The following CELF2 variants were observed in gnomAD, a reference collection of about 807,000 sequenced individuals.
CELF2 encodes CUGBP Elav-like family member 2.
CELF2 carries 8 observed loss-of-function variants against 62.6 expected under a neutral mutation model. The ratio of observed to expected loss-of-function variants is 0.13; its 90% CI spans 0.07 to 0.23. The LOEUF is 0.23. CELF2 is among the 10% of genes least tolerant of loss of function. CELF2 has a pLI of 1.00. For synonymous variants in CELF2, 258 were observed against 250.0 expected, an observed-to-expected ratio of 1.03 and a Z score of -0.30; for missense variants, 333 against 671.0, an observed-to-expected ratio of 0.50 and a Z score of 5.56.
At chr10:10,546,214 C>T in the CELF2 span, among the ~76,000 whole-genome samples, 1 of 152,218 alleles carries the variant, frequency 6.6e-6, no homozygotes, top group African/African-American at 2.4e-5. Flanking sequence ...CTGCCGATAA[C>T]CATACTGTGT....
Position 10,928,412 on chromosome 10 carries a change from T to G in CELF2, c.89+8413T>G, listed in dbSNP as rs1177178206. Among the ~76,000 whole-genome samples, 1 of 152,086 alleles carries G rather than the reference T, an allele frequency of 6.6e-6. No individual in the cohort carries two copies. The highest frequency in any genetic ancestry group is 1.5e-5 in the Non-Finnish European group (1 of 68,030). On this transcript the variant is annotated intron_variant, in intron 2 of 13. Coordinates refer to the CELF2 transcript ENST00000636488. This position sits in a 1 kb window ranked among gnomAD's most constrained non-coding sequence, Gnocchi z 4.8. The stretch of plus-strand genomic sequence containing the variant: ...CTGCTCTTTTTCTCCCCTACCAAAC[T>G]CTCTACCACTTGTTCTTCTAGATCC...
At chr10:10,539,658 C>T in the CELF2 span, among the ~76,000 whole-genome samples, 1,472 of 152,254 alleles carry the variant, frequency 9.7e-3, 38 homozygotes, top group East Asian at 0.067. Context: ...TATTCCTAAA[C>T]GATATTGCCA....
At chr10:11,295,992 T>C (rs918168090) in intron 9 of CELF2, among the ~76,000 whole-genome samples, 1 of 152,104 alleles carries the variant, frequency 6.6e-6, no homozygotes, top group Non-Finnish European at 1.5e-5. Context: ...CTGTAACCAA[T>C]TTAAAGCTTA....
chr10:11,057,455 G>C (rs2065562034), intron 1 of CELF2, among the ~76,000 whole-genome samples: 2 of 152,200 alleles, frequency 1.3e-5, no homozygotes, highest in African/African-American at 4.8e-5. Context: ...GAAAACAGGA[G>C]AAAAAGGAAA....
At chr10:10,671,437 T>C in the CELF2 span, among the ~76,000 whole-genome samples, 1 of 152,182 alleles carries the variant, frequency 6.6e-6, no homozygotes, top group Non-Finnish European at 1.5e-5. Context: ...TCAGTTCCTT[T>C]GAGTAAATTC....
chr10:10,465,841 T>A, the CELF2 span, among the ~76,000 whole-genome samples: 2 of 152,094 alleles, frequency 1.3e-5, no homozygotes, highest in Admixed American at 1.3e-4. Flanking sequence ...GCTAACAAGC[T>A]CTAAGTCTTA....
intron 1 of CELF2, among the ~76,000 whole-genome samples, chr10:11,148,094 AG>A (rs2062614340): frequency 6.6e-6 from 1 of 152,270 alleles, no homozygotes; most frequent in African/African-American, 2.4e-5. Context: ...CAGTCCGGCA[AG>A]AAGAACGTGG....
chr10:10,879,504 T>C (rs2061319660), intron 1 of CELF2, among the ~76,000 whole-genome samples: 1 of 152,168 alleles, frequency 6.6e-6, no homozygotes, highest in African/African-American at 2.4e-5. Context: ...GAATTACAAA[T>C]AAAATAGGGT....
At chr10:10,471,332 G>T in the CELF2 span, among the ~76,000 whole-genome samples, 1 of 151,612 alleles carries the variant, frequency 6.6e-6, no homozygotes, top group Non-Finnish European at 1.5e-5. Context: ...GTCACTGAGA[G>T]TGGTATAAAA....
chr10:10,572,761 T>C, the CELF2 span, among the ~76,000 whole-genome samples: 1 of 152,224 alleles, frequency 6.6e-6, no homozygotes, highest in East Asian at 1.9e-4. Flanking sequence ...CTATCATCGA[T>C]GATGGGCATT....
intron 1 of CELF2, among the ~76,000 whole-genome samples, chr10:11,065,131 G>A (rs1020053565): frequency 6.6e-6 from 1 of 152,230 alleles, no homozygotes; most frequent in Non-Finnish European, 1.5e-5. Flanking sequence ...CATAACTTAA[G>A]GAGCTCACCT....
At chr10:11,271,903 G>A (rs1235286875) in intron 7 of CELF2, among the ~76,000 whole-genome samples, 5 of 152,136 alleles carry the variant, frequency 3.3e-5, no homozygotes, top group Non-Finnish European at 7.3e-5. Flanking sequence ...TCGGACATAT[G>A]AGGAAAGGGA....
At chr10:10,593,241 T>G in the CELF2 span, among the ~76,000 whole-genome samples, 5 of 152,324 alleles carry the variant, frequency 3.3e-5, no homozygotes, top group East Asian at 9.7e-4. Context: ...AACCATTTTA[T>G]TTACTTATGA....
At chr10:10,918,719 G>A (rs546528388) in intron 1 of CELF2, among the ~76,000 whole-genome samples, 52 of 152,284 alleles carry the variant, frequency 3.4e-4, no homozygotes, top group African/African-American at 5.3e-4. Flanking sequence ...TCAATGAACC[G>A]TCTGCAAGTG....
At position 11,006,647 on chromosome 10, in the gene CELF2, C is replaced by A. The variant is rs145211332; in HGVS notation, c.53+1207C>A. Among the ~76,000 whole-genome samples, 737 of 152,332 alleles carry A rather than the reference C, an allele frequency of 4.8e-3. 4 individuals are homozygous for A. Among genetic ancestry groups the A allele is most frequent in the Middle Eastern group, 0.017 (5 of 294 alleles). ...TTACGTAAATTACAGTTTTTAGTCT[C>A]TGCTTCTCCCTTTGGCATCCATGTA... On this transcript the variant is annotated intron_variant, in intron 1 of 12. Transcript: ENST00000416382.
upstream of CELF2, chr10:10,798,563 C>T: frequency 2.5e-6 from 1 of 393,078 alleles, no homozygotes; most frequent in Non-Finnish European, 4.5e-6. Context: ...TGGTGTGGAG[C>T]TGGGAGCCGG....
rs758026507 is a variant in CELF2 at position 11,058,536 on chromosome 10, G to A, written c.74+40373G>A. On this transcript the variant is annotated intron_variant, in intron 1 of 12. Transcript: ENST00000633077. ...GGCTGGAGTGCGGTGGTGCGATCTCGACTCGCTGCAACCTCCACCTCCCAG... is the reference window on the plus strand; with the variant it reads ...GGCTGGAGTGCGGTGGTGCGATCTCAACTCGCTGCAACCTCCACCTCCCAG... 5.8e-5 allele frequency among the ~76,000 whole-genome samples: 8 copies of A among 137,358 alleles called. No homozygotes were observed. In the East Asian group the frequency reaches 6.9e-4, roughly 12 times the overall value. The allele number at this position is 137,358 out of a possible 152,430, so 90.1% of individuals were successfully genotyped here.
intron 3 of CELF2, among the ~76,000 whole-genome samples, chr10:11,229,388 A>G (rs1431202619): frequency 1.4e-5 from 2 of 146,016 alleles, no homozygotes; most frequent in African/African-American, 2.8e-5. Context: ...ACCCAAAATG[A>G]TATGTGCAGT....
chr10:10,573,933 A>G, the CELF2 span, among the ~76,000 whole-genome samples: 1 of 152,154 alleles, frequency 6.6e-6, no homozygotes, highest in Non-Finnish European at 1.5e-5. Context: ...GTAAAAGCCA[A>G]TAAGTATTAA....
Sources: allele counts gnomAD v4.1 joint callset (sites outside exome capture counted in the v4.1 genomes callset), GRCh38; gene constraint gnomAD v4.1.1; non-coding constraint Gnocchi (gnomAD v3.1); transcripts MANE v1.5; gene names NCBI Gene and HGNC (gene_info 2026-07-23, HGNC 2026-07-21).